Variants in RNF144B observed in about 807,000 individuals in gnomAD.
The protein encoded by RNF144B is ring finger protein 144B, also known as E3 ubiquitin-protein ligase RNF144B.
A neutral mutation model predicts 40.2 loss-of-function variants in RNF144B; 25 were observed. That is an observed-to-expected ratio of 0.62 (90% CI 0.45 to 0.87). RNF144B has a LOEUF of 0.87. Ranked by LOEUF, RNF144B falls within the 40% of genes least tolerant of loss-of-function variation. The pLI is 0.00. For missense variants in RNF144B, 365 were observed against 373.7 expected, an observed-to-expected ratio of 0.98 and a Z score of 0.19; for synonymous variants, 145 against 136.3, an observed-to-expected ratio of 1.06 and a Z score of -0.44.
rs1759568522 is a variant in RNF144B at position 18,466,225 on chromosome 6, CTCTTTTAAAACAG to C, written c.*1160_*1172del. On this transcript the variant is annotated 3_prime_UTR_variant, in exon 8 of 8. Transcript: ENST00000259939. ...CTTACCCAAGGGTATAGACTCATAACTCTTTTAAAACAGTGCTTAGTACAATATCCTGCCATCT... is the reference window on the plus strand; with the variant it reads ...CTTACCCAAGGGTATAGACTCATAACTGCTTAGTACAATATCCTGCCATCT... 1 of 152,196 alleles carries C rather than the reference CTCTTTTAAAACAG, an allele frequency of 6.6e-6. No individual in the cohort carries two copies. The highest frequency in any genetic ancestry group is 1.5e-5 in the Non-Finnish European group (1 of 68,038). The allele number at this position is 152,196 out of a possible 1,614,324, so 9.4% of individuals were successfully genotyped here.
chr6:18,459,395 G>GTAAT lies in RNF144B; in HGVS notation c.537-209_537-206dup, dbSNP rs59010956. 0.33 allele frequency among the ~76,000 whole-genome samples: 49,954 copies of GTAAT among 151,756 alleles called. 8,769 individuals are homozygous for GTAAT. Among genetic ancestry groups the GTAAT allele is most frequent in the East Asian group, 0.5 (2,595 of 5,142 alleles). ...GTGAGTTAAATCAGTGGTGGAAACTGTAATTATATAATTCACTGAAAGCCA... is the reference window on the plus strand; with the variant it reads ...GTGAGTTAAATCAGTGGTGGAAACTGTAATTAATTATATAATTCACTGAAAGCCA... On this transcript the variant is annotated intron_variant, in intron 5 of 7. Transcript: ENST00000259939. The surrounding 1 kb of genome is among the most constrained non-coding windows in gnomAD (Gnocchi z 4.2).
intron 3 of RNF144B, among the ~76,000 whole-genome samples, chr6:18,429,168 A>G (rs1055296519): frequency 6.6e-6 from 1 of 152,164 alleles, no homozygotes; most frequent in Non-Finnish European, 1.5e-5. Context: ...ACTGCACTCC[A>G]GCCTGGGCAA....
chr6:18,456,982 A>G lies in RNF144B; in HGVS notation c.332-173A>G, dbSNP rs1297783339. On this transcript the variant is annotated intron_variant, in intron 4 of 7. Coordinates refer to ENST00000259939, the MANE Select transcript of RNF144B (RefSeq NM_182757.4). The surrounding 1 kb of genome is among the most constrained non-coding windows in gnomAD (Gnocchi z 4.7). ...GAGGCTGAGGCAGAAGAATCGGTTGAACCCAGGAGGGGAGGTTGCAGTGAG... is the reference window on the plus strand; with the variant it reads ...GAGGCTGAGGCAGAAGAATCGGTTGGACCCAGGAGGGGAGGTTGCAGTGAG... Among the ~76,000 whole-genome samples, 2 of 152,224 alleles carry G rather than the reference A, an allele frequency of 1.3e-5. No homozygotes were observed. The highest frequency in any genetic ancestry group is 4.8e-5 in the African/African-American group (2 of 41,466).
In RNF144B at chr6:18,465,809, A is replaced by C. The variant is rs1425148036; in HGVS notation, c.*742A>C. ...AAATGTAAGTTTTCTAAGTTGGCCA[A>C]CTTGTCTCTTACAGCCAGTGGCTGT... On this transcript the variant is annotated 3_prime_UTR_variant, in exon 8 of 8. Transcript: ENST00000259939. The C allele has an allele frequency of 6.6e-6, 1 of 152,218 alleles. No individual in the cohort carries two copies. Among genetic ancestry groups the C allele is most frequent in the Non-Finnish European group, 1.5e-5 (1 of 68,052 alleles). The allele number at this position is 152,218 out of a possible 1,614,324, so 9.4% of individuals were successfully genotyped here.
rs1406242555 is a variant in RNF144B, at chr6:18,412,507, T to C, written c.165+12808T>C. Among the ~76,000 whole-genome samples, 1 of 151,998 alleles carries C rather than the reference T, an allele frequency of 6.6e-6. No homozygotes were observed. The highest frequency in any genetic ancestry group is 1.5e-5 in the Non-Finnish European group (1 of 68,008). ...AAAAGTATATTACACATAGAAGACA[T>C]GAATGAATGAAAAAATGGTGGTGTT... On this transcript the variant is annotated intron_variant, in intron 2 of 7. Coordinates refer to ENST00000259939, the MANE Select transcript of RNF144B (RefSeq NM_182757.4). This position sits in a 1 kb window ranked among gnomAD's most constrained non-coding sequence, Gnocchi z 4.2.
chr6:18,428,607 G>T (rs777525892), intron 3 of RNF144B, among the ~76,000 whole-genome samples: 10 of 151,950 alleles, frequency 6.6e-5, no homozygotes, highest in Non-Finnish European at 8.8e-5. Context: ...TATTCTTAGG[G>T]TGTTTGTAAG....
intron 2 of RNF144B, among the ~76,000 whole-genome samples, chr6:18,424,495 A>C (rs60677989): frequency 1.3e-5 from 2 of 152,204 alleles, no homozygotes; most frequent in Non-Finnish European, 2.9e-5. Flanking sequence ...CAGTGTACAG[A>C]GGTCTAACTT....
intron 1 of RNF144B, among the ~76,000 whole-genome samples, chr6:18,393,119 C>CAA (rs10711336): frequency 2.2e-4 from 25 of 111,398 alleles, no homozygotes; most frequent in African/African-American, 5.8e-4. Flanking sequence ...GACTCCATCT[C>CAA]AAAAAAAAAA....
At chr6:18,453,173 C>T (rs1406588116) in intron 4 of RNF144B, among the ~76,000 whole-genome samples, 1 of 132,088 alleles carries the variant, frequency 7.6e-6, no homozygotes, top group Admixed American at 8.7e-5. Flanking sequence ...GAGTCGCACT[C>T]TGTTGCCCAG....
rs975465543 is a variant in RNF144B at position 18,414,895 on chromosome 6, A to C, written c.166-12686A>C. On this transcript the variant is annotated intron_variant, in intron 2 of 7. Transcript: ENST00000259939. This position sits in a 1 kb window ranked among gnomAD's most constrained non-coding sequence, Gnocchi z 4.9. ...CAAGATAAAGATTTTTACAACAAAT[A>C]CCTGTAGAGTTATCCCTTGGTATCT... Among the ~76,000 whole-genome samples the C allele has an allele frequency of 1.3e-5, 2 of 152,182 alleles. No individual in the cohort carries two copies. The highest frequency in any genetic ancestry group is 2.4e-5 in the African/African-American group (1 of 41,438).
rs1795218498 is a variant in RNF144B at position 18,419,734 on chromosome 6, G to T, written c.166-7847G>T. 6.6e-6 allele frequency among the ~76,000 whole-genome samples: 1 copy of T among 152,102 alleles called. No individual in the cohort carries two copies. Among genetic ancestry groups the T allele is most frequent in the Admixed American group, 6.6e-5 (1 of 15,246 alleles). ...GGATGGGATTGGTGAAGGAGTGAGG[G>T]AAGACAACTCTTTCAAACATTTGAT... On this transcript the variant is annotated intron_variant, in intron 2 of 7. Transcript: ENST00000259939. This position sits in a 1 kb window ranked among gnomAD's most constrained non-coding sequence, Gnocchi z 4.6.
Position 18,467,024 on chromosome 6 carries a change from TCA to T in RNF144B, c.*1958_*1959del, listed in dbSNP as rs1491021448. 1.4e-5 allele frequency: 2 copies of T among 146,182 alleles called. No homozygotes were observed. Among genetic ancestry groups the T allele is most frequent in the East Asian group, 2.1e-4 (1 of 4,836 alleles). The allele number at this position is 146,182 out of a possible 1,614,324, so 9.1% of individuals were successfully genotyped here. ...CAGAAAAAAACACTATCAGTGTAGT[TCA>T]TGTTAGTATAATTATAGATTTACAT... On this transcript the variant is annotated 3_prime_UTR_variant, in exon 8 of 8. Coordinates refer to ENST00000259939, the MANE Select transcript of RNF144B (RefSeq NM_182757.4).
chr6:18,464,936 AT>A lies in RNF144B; in HGVS notation c.783del (p.Leu262SerfsTer2), dbSNP rs1745265206. On this transcript the variant is annotated frameshift_variant, in exon 8 of 8. Coordinates refer to ENST00000259939, the MANE Select transcript of RNF144B (RefSeq NM_182757.4). LOFTEE classifies it high-confidence loss of function. This position sits in a 1 kb window ranked among gnomAD's most constrained non-coding sequence, Gnocchi z 6.1. ...VMWNRTQVVG[I>X]LVGLGIIALV... ...TCTTTGAAATTTCCAGGTGGTGGGG[AT>A]TCTCGTAGGCTTGGGCATCATTGCC... 6.2e-7 allele frequency: 1 copy of A among 1,613,736 alleles called. No homozygotes were observed. Among genetic ancestry groups the A allele is most frequent in the Admixed American group, 1.7e-5 (1 of 59,954 alleles).
intron 4 of RNF144B, among the ~76,000 whole-genome samples, chr6:18,453,440 CT>C (rs988470584): frequency 1.3e-5 from 2 of 150,714 alleles, no homozygotes; most frequent in Admixed American, 6.6e-5. Context: ...ACCCAGCCTG[CT>C]TTTTTTTTGT....
chr6:18,430,486 TTCTC>T (rs5874639), intron 3 of RNF144B, among the ~76,000 whole-genome samples: 38 of 148,532 alleles, frequency 2.6e-4, no homozygotes, highest in East Asian at 4.0e-4. Context: ...GCTTCTTGCT[TTCTC>T]TCTCTCTCTC....
chr6:18,447,723 C>T lies in RNF144B; in HGVS notation c.331+7979C>T, dbSNP rs555540454. On this transcript the variant is annotated intron_variant, in intron 4 of 7. Coordinates refer to ENST00000259939, the MANE Select transcript of RNF144B (RefSeq NM_182757.4). This position sits in a 1 kb window ranked among gnomAD's most constrained non-coding sequence, Gnocchi z 5.6. Reference sequence around the variant, plus strand: ...AGAGATACATCTGGATTATATGAGTCAGGATCAGTAGTATAAACTTTGGAA... The same window carrying T: ...AGAGATACATCTGGATTATATGAGTTAGGATCAGTAGTATAAACTTTGGAA... Among the ~76,000 whole-genome samples, 4 of 152,264 alleles carry T rather than the reference C, an allele frequency of 2.6e-5. No homozygotes were observed. The highest frequency in any genetic ancestry group is 5.9e-5 in the Non-Finnish European group (4 of 68,024).
In RNF144B at chr6:18,387,609, A is replaced by T. The variant is rs762468660; in HGVS notation, c.-58A>T. The stretch of plus-strand genomic sequence containing the variant: ...AGGCTACTGAGAAGCCCGGCGACGG[A>T]GGAACGCAGGTCTGCTGCCAGGTAG... On this transcript the variant is annotated 5_prime_UTR_variant, in exon 1 of 8. Coordinates refer to ENST00000259939, the MANE Select transcript of RNF144B (RefSeq NM_182757.4). 7.6e-7 allele frequency: 1 copy of T among 1,313,824 alleles called. No individual in the cohort carries two copies. The highest frequency in any genetic ancestry group is 5.0e-5 in the East Asian group (1 of 20,002). 81.4% of individuals were successfully genotyped at this position (1,313,824 alleles called of 1,614,324 possible).
At chr6:18,415,357 G>A (rs1351303662) in intron 2 of RNF144B, among the ~76,000 whole-genome samples, 1 of 152,280 alleles carries the variant, frequency 6.6e-6, no homozygotes, top group Non-Finnish European at 1.5e-5. Flanking sequence ...CGTGCTGGCA[G>A]GATTGGTGTC....
At chr6:18,451,002 A>C (rs751470270) in intron 4 of RNF144B, among the ~76,000 whole-genome samples, 5 of 152,198 alleles carry the variant, frequency 3.3e-5, no homozygotes, top group African/African-American at 9.6e-5. Context: ...GGGAAACTAC[A>C]TTTGGATATT....
Sources: allele counts gnomAD v4.1 joint callset (sites outside exome capture counted in the v4.1 genomes callset), GRCh38; gene constraint gnomAD v4.1.1; non-coding constraint Gnocchi (gnomAD v3.1); transcripts MANE v1.5; gene names NCBI Gene and HGNC (gene_info 2026-07-23, HGNC 2026-07-21).